The following MAN2A1 variants were observed in gnomAD, a reference collection of about 807,000 sequenced individuals.
MAN2A1 encodes the protein mannosidase alpha class 2A member 1, also known as alpha-mannosidase 2.
In MAN2A1, 76 loss-of-function variants were observed where a neutral mutation model predicts 142.6. That is an observed-to-expected ratio of 0.53 (90% CI 0.44 to 0.65). MAN2A1 has a LOEUF of 0.65. Ranked by LOEUF, MAN2A1 falls within the 30% of genes least tolerant of loss-of-function variation. The pLI is 0.00. For synonymous variants in MAN2A1, 559 were observed against 473.2 expected (o/e 1.18, Z -2.35); for missense variants, 1,311 against 1,365.1 (o/e 0.96, Z 0.62).
At chr5:109,713,191 T>C (rs1167485922) in intron 1 of MAN2A1, among the ~76,000 whole-genome samples, 1 of 152,214 alleles carries the variant, frequency 6.6e-6, no homozygotes, top group African/African-American at 2.4e-5. Context: ...AATATGCTGT[T>C]GTACAGTGAT....
intron 5 of MAN2A1, among the ~76,000 whole-genome samples, chr5:109,757,846 C>T (rs891733286): frequency 2.6e-5 from 4 of 152,082 alleles, no homozygotes; most frequent in Non-Finnish European, 4.4e-5. Flanking sequence ...TTTCAAGGCT[C>T]ATCATGTATT....
At chr5:109,853,091 A>C (rs949812789) in intron 19 of MAN2A1, among the ~76,000 whole-genome samples, 2 of 152,168 alleles carry the variant, frequency 1.3e-5, no homozygotes, top group Non-Finnish European at 2.9e-5. Flanking sequence ...TATCCATGAC[A>C]TTGTTTCCTT....
chr5:109,742,789 AG>A (rs1752304185), intron 4 of MAN2A1, among the ~76,000 whole-genome samples: 1 of 152,220 alleles, frequency 6.6e-6, no homozygotes, highest in South Asian at 2.1e-4. Context: ...ATTTCATCAA[AG>A]CACTGAAAGC....
intron 12 of MAN2A1, chr5:109,804,343 C>A: frequency 1.1e-6 from 1 of 936,326 alleles, no homozygotes; most frequent in Middle Eastern, 2.9e-4. Context: ...GAGAGTAGCG[C>A]TTTTTTTAAA....
At chr5:109,863,173 A>G (rs1336089428) in intron 20 of MAN2A1, 1 of 152,222 alleles carries the variant, frequency 6.6e-6, no homozygotes, top group African/African-American at 2.4e-5. Context: ...AAAAGAGCTT[A>G]ATGAAGAGGG....
chr5:109,784,670 A>C, intron 9 of MAN2A1, 74 bp from the exon 10 acceptor site: 3 of 1,176,714 alleles, frequency 2.5e-6, no homozygotes, highest in Non-Finnish European at 3.5e-6. Context: ...TTTGTAAAGT[A>C]TCAATGTCAC....
intron 16 of MAN2A1, among the ~76,000 whole-genome samples, chr5:109,825,674 C>G (rs974240261): frequency 4.6e-5 from 7 of 152,048 alleles, no homozygotes; most frequent in African/African-American, 1.7e-4. Context: ...CTACACTCAT[C>G]AGAACTAAAT....
At chr5:109,733,024 C>A (rs908359906) in intron 4 of MAN2A1, among the ~76,000 whole-genome samples, 2 of 152,076 alleles carry the variant, frequency 1.3e-5, no homozygotes, top group African/African-American at 4.8e-5. Context: ...TTGTTTGTAT[C>A]CTCTTTTATT....
chr5:109,737,462 T>TA (rs1752137599), intron 4 of MAN2A1, among the ~76,000 whole-genome samples: 1 of 151,462 alleles, frequency 6.6e-6, no homozygotes, highest in Non-Finnish European at 1.5e-5. Context: ...TTTTTTTTGT[T>TA]ACTTAATGTG....
chr5:109,832,387 TG>T (rs925675153), intron 16 of MAN2A1, among the ~76,000 whole-genome samples: 22 of 152,122 alleles, frequency 1.4e-4, no homozygotes, highest in Admixed American at 1.2e-3. Context: ...TTAACGAGCA[TG>T]CTGCCTTCAA....
chr5:109,780,089 G>A lies in MAN2A1; in HGVS notation c.1375-1307G>A, dbSNP rs140597035. 6.3e-3 allele frequency among the ~76,000 whole-genome samples: 960 copies of A among 152,012 alleles called. 12 individuals carry two copies. Among genetic ancestry groups the A allele is most frequent in the African/African-American group, 0.022 (910 of 41,468 alleles). ...TTGTTTGTTTTTGAGATGGAGTCTC[G>A]CTCTGTCACCCAGGCTGGAATGCAG... On this transcript the variant is annotated intron_variant, in intron 8 of 21. Coordinates refer to ENST00000261483, the MANE Select transcript of MAN2A1 (RefSeq NM_002372.4).
chr5:109,753,161 A>G (rs1752593263), intron 4 of MAN2A1, among the ~76,000 whole-genome samples: 1 of 152,214 alleles, frequency 6.6e-6, no homozygotes, highest in African/African-American at 2.4e-5. Flanking sequence ...AATGAAGTCA[A>G]GTTTCCGTAT....
At chr5:109,718,848 G>A (rs144636507) in intron 3 of MAN2A1, among the ~76,000 whole-genome samples, 142 of 152,110 alleles carry the variant, frequency 9.3e-4, no homozygotes, top group African/African-American at 2.7e-3. Flanking sequence ...AGTCATTAGA[G>A]TTTGGTTAAA....
rs777829995 is a variant in MAN2A1, at chr5:109,729,383, C to A, written c.577C>A (p.Gln193Lys). The A allele has an allele frequency of 1.2e-6, 2 of 1,604,798 alleles. No homozygotes were observed. Among genetic ancestry groups the A allele is most frequent in the East Asian group, 4.5e-5 (2 of 44,476 alleles). Reference sequence around the variant, plus strand: ...CAATGACTACTTTAGAGACAAGACTCAGTATATTTTTAATAACATGGTCCT... The same window carrying A: ...CAATGACTACTTTAGAGACAAGACTAAGTATATTTTTAATAACATGGTCCT... Reference protein sequence around the residue: ...TFNDYFRDKTQYIFNNMVLKL... With the variant: ...TFNDYFRDKTKYIFNNMVLKL... Residue 193 changes from glutamine (Q) to lysine (K), a missense_variant, in exon 4 of 22, where the codon CAG becomes AAG. Coordinates refer to ENST00000261483, the MANE Select transcript of MAN2A1 (RefSeq NM_002372.4).
chr5:109,842,499 T>G (rs748070546), intron 17 of MAN2A1, 38 bp downstream of exon 17: 1 of 1,404,546 alleles, frequency 7.1e-7, no homozygotes, highest in Non-Finnish European at 9.8e-7. Flanking sequence ...AATGGTTGTA[T>G]TGGTGTGTAA....
intron 6 of MAN2A1, among the ~76,000 whole-genome samples, chr5:109,770,022 G>A (rs1390417191): frequency 4.6e-5 from 7 of 152,146 alleles, no homozygotes; most frequent in East Asian, 3.9e-4. Context: ...TGGCAGCCAG[G>A]GATGGACATA....
At chr5:109,700,533 A>T (rs1015976) in intron 1 of MAN2A1, among the ~76,000 whole-genome samples, 4 of 152,002 alleles carry the variant, frequency 2.6e-5, no homozygotes, top group South Asian at 2.1e-4. Context: ...AACATTGAAG[A>T]CTGAGAATGT....
intron 5 of MAN2A1, among the ~76,000 whole-genome samples, chr5:109,758,325 A>G (rs577998105): frequency 4.7e-4 from 71 of 152,200 alleles, no homozygotes; most frequent in Middle Eastern, 6.8e-3. Flanking sequence ...TAGATCTTTT[A>G]AGGATAAATG....
At chr5:109,746,490 G>A (rs1429483504) in intron 4 of MAN2A1, among the ~76,000 whole-genome samples, 1 of 150,870 alleles carries the variant, frequency 6.6e-6, no homozygotes, top group Non-Finnish European at 1.5e-5. Flanking sequence ...TTTTATGGAT[G>A]TATGGGAAAA....
Sources: allele counts gnomAD v4.1 joint callset (sites outside exome capture counted in the v4.1 genomes callset), GRCh38; gene constraint gnomAD v4.1.1; transcripts MANE v1.5; gene names NCBI Gene and HGNC (gene_info 2026-07-23, HGNC 2026-07-21).